SIPA1L1: variants seen among roughly 807,000 people sequenced by gnomAD.
The protein encoded by SIPA1L1 is signal-induced proliferation-associated 1-like protein 1.
Under a neutral mutation model 162.7 loss-of-function variants are expected in SIPA1L1, and 26 were observed. The observed-to-expected ratio is 0.16, with a 90% CI of 0.12 to 0.22. SIPA1L1 has a LOEUF of 0.22. Among genes scored for constraint, SIPA1L1 ranks in the 10% least tolerant of loss-of-function variants. SIPA1L1 has a pLI of 1.00. For missense variants in SIPA1L1, 1,874 were observed against 2,241.0 expected, an observed-to-expected ratio of 0.84 and a Z score of 3.31; for synonymous variants, 829 against 837.4, an observed-to-expected ratio of 0.99 and a Z score of 0.17.
At chr14:71,596,880 A>G (rs1596331100) in intron 5 of SIPA1L1, among the ~76,000 whole-genome samples, 1 of 152,074 alleles carries the variant, frequency 6.6e-6, no homozygotes, top group African/African-American at 2.4e-5. Context: ...ATTTCATCTT[A>G]TGACAAGCAG....
chr14:71,603,677 CT>C (rs2037073037), intron 5 of SIPA1L1, among the ~76,000 whole-genome samples: 2 of 151,922 alleles, frequency 1.3e-5, no homozygotes, highest in Non-Finnish European at 2.9e-5. Context: ...AATCCCAGCA[CT>C]TTGGGAGGCC....
intron 4 of SIPA1L1, among the ~76,000 whole-genome samples, chr14:71,563,055 A>C (rs1386420146): frequency 1.3e-5 from 2 of 152,176 alleles, no homozygotes; most frequent in Non-Finnish European, 2.9e-5. Context: ...GCAGGCAGGG[A>C]CTTTTGTCAG....
At chr14:71,340,658 C>T (rs1467510396) in intron 2 of SIPA1L1, among the ~76,000 whole-genome samples, 1 of 152,082 alleles carries the variant, frequency 6.6e-6, no homozygotes, top group Admixed American at 6.6e-5. Flanking sequence ...GAGTTAATAC[C>T]ATTTCTTTTT....
chr14:71,707,203 C>T (rs768444814), intron 16 of SIPA1L1, among the ~76,000 whole-genome samples: 2 of 152,010 alleles, frequency 1.3e-5, no homozygotes, highest in Non-Finnish European at 1.5e-5. Flanking sequence ...ATCTAGACTT[C>T]CCGCCTCCCT....
chr14:71,391,359 C>T (rs918473851), intron 2 of SIPA1L1, among the ~76,000 whole-genome samples: 6 of 152,180 alleles, frequency 3.9e-5, no homozygotes, highest in Non-Finnish European at 8.8e-5. Context: ...CCCGCCTTGG[C>T]CTCCCAAAGT....
intron 4 of SIPA1L1, among the ~76,000 whole-genome samples, chr14:71,572,482 G>T (rs1195637347): frequency 1.3e-5 from 2 of 152,182 alleles, no homozygotes; most frequent in Middle Eastern, 3.2e-3. Flanking sequence ...ATCCAGGTGA[G>T]GGAGTGAATT....
At chr14:71,497,356 T>C (rs2049872766) in intron 2 of SIPA1L1, among the ~76,000 whole-genome samples, 1 of 152,206 alleles carries the variant, frequency 6.6e-6, no homozygotes, top group Admixed American at 6.5e-5. Context: ...CATACCGTTC[T>C]AAATGATCAT....
At chr14:71,365,767 C>T (rs2038227235) in intron 2 of SIPA1L1, among the ~76,000 whole-genome samples, 1 of 151,458 alleles carries the variant, frequency 6.6e-6, no homozygotes, top group Admixed American at 6.6e-5. Context: ...GCTCTGTCAC[C>T]CAGGCTGTCG....
chr14:71,354,497 G>C (rs895596428), intron 2 of SIPA1L1, among the ~76,000 whole-genome samples: 2 of 151,398 alleles, frequency 1.3e-5, no homozygotes, highest in Admixed American at 6.6e-5. Flanking sequence ...GGCTTGTCTT[G>C]AATTCCTAAC....
intron 2 of SIPA1L1, among the ~76,000 whole-genome samples, chr14:71,335,590 TG>T (rs2035010269): frequency 1.3e-5 from 2 of 152,216 alleles, no homozygotes; most frequent in Admixed American, 6.5e-5. Context: ...GGAAAGAGAA[TG>T]GTAATCGCTT....
intron 5 of SIPA1L1, among the ~76,000 whole-genome samples, chr14:71,614,635 C>G (rs945448539): frequency 2.6e-5 from 4 of 152,142 alleles, no homozygotes; most frequent in African/African-American, 9.7e-5. Context: ...AAATATCTTC[C>G]TAGCGTTATC....
At position 71,727,044 on chromosome 14, in the gene SIPA1L1, G is replaced by A. The variant is rs551105190; in HGVS notation, c.4614+2209G>A. Among the ~76,000 whole-genome samples, 12 of 152,218 alleles carry A rather than the reference G, an allele frequency of 7.9e-5. No homozygotes were observed. The South Asian group carries it at 2.1e-3, about 26-fold the overall frequency. ...GAGTTTTTGTTAATATTGAGTGGCA[G>A]GGTCACTCCCAGGCTCATTTGTCAG... On this transcript the variant is annotated intron_variant, in intron 19 of 23. Coordinates refer to ENST00000381232, the MANE Select transcript of SIPA1L1 (RefSeq NM_001386936.1).
chr14:71,539,661 T>A (rs2054209008), intron 4 of SIPA1L1, among the ~76,000 whole-genome samples: 1 of 152,224 alleles, frequency 6.6e-6, no homozygotes, highest in Non-Finnish European at 1.5e-5. Flanking sequence ...GTAGCCTTTG[T>A]CGAGCTTTTA....
intron 2 of SIPA1L1, among the ~76,000 whole-genome samples, chr14:71,469,164 CCT>C (rs745870766): frequency 6.6e-6 from 1 of 152,152 alleles, no homozygotes; most frequent in African/African-American, 2.4e-5. Context: ...ACTTCCCCAA[CCT>C]CTCTGAGACC....
intron 2 of SIPA1L1, among the ~76,000 whole-genome samples, chr14:71,341,964 C>T (rs1286686027): frequency 2.6e-5 from 4 of 152,020 alleles, no homozygotes; most frequent in African/African-American, 7.2e-5. Context: ...TTGTGAGGAA[C>T]GTGTGAGTGT....
intron 4 of SIPA1L1, among the ~76,000 whole-genome samples, chr14:71,570,983 C>CG (rs2031888055): frequency 6.6e-6 from 1 of 151,886 alleles, no homozygotes; most frequent in African/African-American, 2.4e-5. Context: ...TTAGTAGAGG[C>CG]GGGGTTTCAC....
intron 7 of SIPA1L1, among the ~76,000 whole-genome samples, chr14:71,645,812 A>G (rs1426757615): frequency 1.3e-5 from 2 of 152,206 alleles, no homozygotes; most frequent in Non-Finnish European, 2.9e-5. Context: ...TGATGTCATG[A>G]TCCATCACTC....
chr14:71,541,391 T>G (rs935772189), intron 4 of SIPA1L1, among the ~76,000 whole-genome samples: 1 of 152,242 alleles, frequency 6.6e-6, no homozygotes, highest in African/African-American at 2.4e-5. Flanking sequence ...AAATGCATAG[T>G]TACTTGTTAA....
chr14:71,479,866 A>G (rs537029884), intron 2 of SIPA1L1, among the ~76,000 whole-genome samples: 51 of 152,262 alleles, frequency 3.3e-4, no homozygotes, highest in African/African-American at 1.2e-3. Context: ...AGCTGGGACT[A>G]CAGGCATATG....
Sources: allele counts gnomAD v4.1 joint callset (sites outside exome capture counted in the v4.1 genomes callset), GRCh38; gene constraint gnomAD v4.1.1; transcripts MANE v1.5; gene names NCBI Gene and HGNC (gene_info 2026-07-23, HGNC 2026-07-21).